TBCK: variants seen among roughly 807,000 people sequenced by gnomAD.
TBCK encodes TBC1 domain containing kinase, also known as TBC domain-containing protein kinase-like protein.
TBCK carries 99 observed loss-of-function variants against 113.4 expected under a neutral mutation model. That is an observed-to-expected ratio of 0.87 (90% CI 0.74 to 1.03). TBCK has a LOEUF of 1.03. Ranked by LOEUF, TBCK falls within the 50% of genes least tolerant of loss-of-function variation. The pLI is 0.00. For synonymous variants in TBCK, 369 were observed against 370.8 expected (o/e 1.00, Z 0.05); for missense variants, 1,045 against 1,061.3 (o/e 0.98, Z 0.21).
chr4:106,244,594 T>C, intron 11 of TBCK, 32 bp downstream of exon 11: 2 of 1,496,938 alleles, frequency 1.3e-6, no homozygotes, highest in Non-Finnish European at 1.8e-6. Context: ...TATTTATTTA[T>C]TTAAATTCCC....
intron 3 of TBCK, among the ~76,000 whole-genome samples, chr4:106,291,588 A>C (rs1765716502): frequency 6.6e-6 from 1 of 152,250 alleles, no homozygotes; most frequent in Non-Finnish European, 1.5e-5. Context: ...AGTTTTTCAA[A>C]AGAAAAAAAC....
rs370040550 is a variant in TBCK at position 106,247,229 on chromosome 4, T to C, written c.841A>G (p.Thr281Ala). 1 of 1,591,026 alleles carries C rather than the reference T, an allele frequency of 6.3e-7. No individual in the cohort carries two copies. Residue 281 changes from threonine to alanine, a missense_variant, in exon 10 of 26, where the codon ACC becomes GCC. Coordinates refer to ENST00000394708, the MANE Select transcript of TBCK (RefSeq NM_001163435.3). ...KVFSEVSPLY[T>A]PFTKPASLFS... ...AGACTGGCAGGTTTGGTAAAGGGGG[T>C]ATATAAAGGTGATACCTCACTGAAT... is the stretch of plus-strand genomic sequence containing the variant.
At chr4:106,168,487 T>A (rs1052510740) in intron 23 of TBCK, among the ~76,000 whole-genome samples, 6 of 152,056 alleles carry the variant, frequency 3.9e-5, no homozygotes, top group East Asian at 1.9e-4. Flanking sequence ...AGATGTTGTA[T>A]CTAATGCAAT....
chr4:106,108,795 A>T (rs1337042054), intron 24 of TBCK, among the ~76,000 whole-genome samples: 1 of 152,178 alleles, frequency 6.6e-6, no homozygotes, highest in African/African-American at 2.4e-5. Flanking sequence ...AGCTCATTCG[A>T]ATAGGAAGGG....
chr4:106,190,784 A>G (rs563535975), intron 22 of TBCK, among the ~76,000 whole-genome samples: 6 of 152,020 alleles, frequency 3.9e-5, no homozygotes, highest in African/African-American at 1.4e-4. Context: ...TCTGTTGCCC[A>G]GGCTGGAGTG....
At chr4:106,262,345 A>C in intron 3 of TBCK, 133 bp from the exon 4 acceptor site, 2 of 512,244 alleles carry the variant, frequency 3.9e-6, no homozygotes, top group Non-Finnish European at 6.9e-6. Context: ...CTGAGAAAAT[A>C]GAATCTATAT....
chr4:106,148,500 G>C (rs1002925634), intron 23 of TBCK, among the ~76,000 whole-genome samples: 8 of 152,122 alleles, frequency 5.3e-5, no homozygotes, highest in African/African-American at 1.9e-4. Context: ...AATATATTAT[G>C]TTATCATTCA....
chr4:106,208,967 A>T (rs1257480009), intron 20 of TBCK, among the ~76,000 whole-genome samples: 1 of 152,178 alleles, frequency 6.6e-6, no homozygotes, highest in East Asian at 1.9e-4. Context: ...CAAGTGCAGG[A>T]TCTGGGCCAG....
chr4:106,077,381 C>T (rs190850281), intron 25 of TBCK, among the ~76,000 whole-genome samples: 15 of 152,172 alleles, frequency 9.9e-5, no homozygotes, highest in Admixed American at 2.0e-4. Context: ...AGTGTCAAGG[C>T]GGATAAAGAA....
rs1434940906 is a variant in TBCK, at chr4:106,256,936, A to G, written c.455+3501T>C. 4.6e-5 allele frequency among the ~76,000 whole-genome samples: 7 copies of G among 152,144 alleles called. No homozygotes were observed. In the South Asian group the frequency reaches 1.2e-3, roughly 27 times the overall value. On this transcript the variant is annotated intron_variant, in intron 5 of 25. Coordinates refer to ENST00000394708, the MANE Select transcript of TBCK (RefSeq NM_001163435.3). ...AAAAATTTAACCTCCCATCTCAATT[A>G]GAAAAAAAAGAACTACATACCTGAG...
intron 3 of TBCK, among the ~76,000 whole-genome samples, chr4:106,276,057 A>G (rs1046153935): frequency 6.6e-6 from 1 of 152,184 alleles, no homozygotes; most frequent in East Asian, 1.9e-4. Context: ...TGATGCTGGC[A>G]TAGGAACAGA....
Position 106,242,485 on chromosome 4 carries a change from T to A in TBCK, c.1155A>T (p.Leu385Phe), listed in dbSNP as rs1279336040. 1.2e-6 allele frequency: 2 copies of A among 1,603,318 alleles called. No homozygotes were observed. Among genetic ancestry groups the A allele is most frequent in the Admixed American group, 1.7e-5 (1 of 58,348 alleles). ...TCTTTCTTACATTTCTTAGCTGGCATAACGACAATGTCACAGTGGTATCAT... is the reference window on the plus strand; with the variant it reads ...TCTTTCTTACATTTCTTAGCTGGCAAAACGACAATGTCACAGTGGTATCAT... Reference protein sequence around the residue: ...LLDDTTVTLSLCQLRNRLKDV... With the variant: ...LLDDTTVTLSFCQLRNRLKDV... The change falls in exon 12 of 26, where the codon TTA becomes TTT. Residue 385 changes from leucine to phenylalanine, a missense_variant. Physicochemically the swap from Leu to Phe is conservative, Grantham distance 22 (BLOSUM62 0). Transcript: ENST00000394708.
chr4:106,250,430 A>G lies in TBCK; in HGVS notation c.646T>C (p.Leu216=), dbSNP rs768832526. The change falls in exon 7 of 26, where the codon TTG becomes CTG. Residue 216 remains leucine (L), a synonymous_variant. Coordinates refer to ENST00000394708, the MANE Select transcript of TBCK (RefSeq NM_001163435.3). Reference sequence around the variant, plus strand: ...GTACGACACTTACCCAAAGTAAGCAAAAATTTTAGTCTTTCAGAAATATCC... The same window carrying G: ...GTACGACACTTACCCAAAGTAAGCAGAAATTTTAGTCTTTCAGAAATATCC... ...SLDISERLKF[L]LTLDCVDDTL... 1 of 1,567,854 alleles carries G rather than the reference A, an allele frequency of 6.4e-7. No individual in the cohort carries two copies. Among genetic ancestry groups the G allele is most frequent in the South Asian group, 1.2e-5 (1 of 85,310 alleles).
Position 106,230,378 on chromosome 4 carries a change from A to C in TBCK, c.1759T>G (p.Ser587Ala), listed in dbSNP as rs1476163673. The change falls in exon 19 of 26, where the codon TCA becomes GCA. Residue 587 changes from serine to alanine, a missense_variant. Physicochemically the swap from Ser to Ala is moderately conservative, Grantham distance 99. Coordinates refer to ENST00000394708, the MANE Select transcript of TBCK (RefSeq NM_001163435.3). ...ATTTGCTTACCTTGTATTACATGTG[A>C]GTTGTCTTTTAAGAAGAAGTTATAC... ...YLYNFFLKDNSHVIQEYLTVF... is the reference protein window; with the variant it reads ...YLYNFFLKDNAHVIQEYLTVF... The C allele has an allele frequency of 1.3e-6, 2 of 1,597,488 alleles. No individual in the cohort carries two copies. Among genetic ancestry groups the C allele is most frequent in the Non-Finnish European group, 1.7e-6 (2 of 1,168,082 alleles).
intron 25 of TBCK, among the ~76,000 whole-genome samples, chr4:106,061,438 C>CTTT (rs34326247): frequency 0.19 from 26,822 of 141,826 alleles, 3,016 homozygotes; most frequent in South Asian, 0.26. Context: ...TGTTAGCATA[C>CTTT]TTTTTTTTTT....
chr4:106,246,346 A>G (rs1422012885), intron 10 of TBCK, among the ~76,000 whole-genome samples: 2 of 152,196 alleles, frequency 1.3e-5, no homozygotes, highest in East Asian at 1.9e-4. Context: ...GACTTAAGTC[A>G]TAACAACTTT....
At chr4:106,203,824 T>C (rs1755156078) in intron 20 of TBCK, among the ~76,000 whole-genome samples, 1 of 152,124 alleles carries the variant, frequency 6.6e-6, no homozygotes, top group Admixed American at 6.5e-5. Flanking sequence ...AAAGAAAGAC[T>C]ATAAAACATG....
chr4:106,176,950 A>G (rs540865029), intron 22 of TBCK, among the ~76,000 whole-genome samples: 1 of 147,450 alleles, frequency 6.8e-6, no homozygotes, highest in East Asian at 2.0e-4. Flanking sequence ...CTTGTTGGCC[A>G]TTTTTAAGTG....
At position 106,095,539 on chromosome 4, in the gene TBCK, C is replaced by T; in HGVS notation, c.2514G>A (p.Gln838=). The T allele has an allele frequency of 2.5e-6, 4 of 1,614,144 alleles. No individual in the cohort carries two copies. The highest frequency in any genetic ancestry group is 3.4e-6 in the Non-Finnish European group (4 of 1,179,996). The change falls in exon 25 of 26, where the codon CAG becomes CAA. Residue 838 remains glutamine, a synonymous_variant. Coordinates refer to ENST00000394708, the MANE Select transcript of TBCK (RefSeq NM_001163435.3). ...LTQGPYTAML[Q]NFKGKVIVIV... is the part of the protein sequence containing the mutation. The stretch of plus-strand genomic sequence containing the variant: ...TGACAATGACCTTCCCTTTGAAGTT[C>T]TGGAGCATAGCAGTGTAAGGGCCCT...
Sources: gnomAD v4.1 joint callset for allele counts (sites outside exome capture counted in the v4.1 genomes callset) on GRCh38, gnomAD v4.1.1 for gene constraint, MANE v1.5 for transcripts, NCBI Gene and HGNC (gene_info 2026-07-23, HGNC 2026-07-21) for gene names.